FBXO10: variants seen among roughly 807,000 people sequenced by gnomAD.
FBXO10 encodes the protein F-box protein 10, also known as F-box only protein 10.
In FBXO10, 39 loss-of-function variants were observed where a neutral mutation model predicts 80.7. The observed-to-expected ratio is 0.48, with a 90% CI of 0.37 to 0.63. The LOEUF is 0.63. Among genes scored for constraint, FBXO10 ranks in the 30% least tolerant of loss-of-function variants. The probability of loss-of-function intolerance (pLI) is 0.00; values close to 1 mark genes in which losing one functional copy is unlikely to be tolerated. For missense variants in FBXO10, 1,025 were observed against 1,269.0 expected (o/e 0.81, Z 2.92); for synonymous variants, 449 against 489.6 (o/e 0.92, Z 1.09).
At chr9:37,548,789 C>A (rs907330515) in intron 1 of FBXO10, among the ~76,000 whole-genome samples, 1 of 152,060 alleles carries the variant, frequency 6.6e-6, no homozygotes, top group African/African-American at 2.4e-5. Flanking sequence ...CCCTCTGTTG[C>A]CCAGGCTGAA....
intron 3 of FBXO10, among the ~76,000 whole-genome samples, chr9:37,535,828 C>T (rs893808763): frequency 2.6e-5 from 4 of 152,194 alleles, no homozygotes; most frequent in African/African-American, 9.7e-5. Context: ...TGGGCCTTCA[C>T]ACACACCTCC....
intron 8 of FBXO10, among the ~76,000 whole-genome samples, chr9:37,519,894 T>G (rs1159287721): frequency 7.3e-6 from 1 of 137,626 alleles, no homozygotes; most frequent in African/African-American, 2.4e-5. Flanking sequence ...CATAGCTCAC[T>G]GCAACCTCGA....
At chr9:37,568,886 C>A (rs938728078) in intron 1 of FBXO10, among the ~76,000 whole-genome samples, 9 of 151,926 alleles carry the variant, frequency 5.9e-5, no homozygotes, top group African/African-American at 1.9e-4. Context: ...GTATAACATC[C>A]ACATTAGTAG....
intron 1 of FBXO10, among the ~76,000 whole-genome samples, chr9:37,556,198 C>A (rs1022812426): frequency 6.6e-6 from 1 of 152,118 alleles, no homozygotes; most frequent in Non-Finnish European, 1.5e-5. Flanking sequence ...ATCCTTATGC[C>A]AGCACCACAG....
chr9:37,536,567 T>C (rs1034916699), intron 3 of FBXO10, among the ~76,000 whole-genome samples: 1 of 152,144 alleles, frequency 6.6e-6, no homozygotes, highest in Middle Eastern at 3.2e-3. Context: ...TCCTTCAACC[T>C]AGCCCCACCG....
intron 1 of FBXO10, among the ~76,000 whole-genome samples, chr9:37,570,292 C>T (rs1822717333): frequency 6.6e-6 from 1 of 150,508 alleles, no homozygotes; most frequent in South Asian, 2.1e-4. Context: ...CCAGCCTGGG[C>T]AACAAGAGTG....
Position 37,525,190 on chromosome 9 carries a change from CA to C in FBXO10, c.1707-19del. 1.9e-6 allele frequency: 3 copies of C among 1,556,132 alleles called. No individual in the cohort carries two copies. The highest frequency in any genetic ancestry group is 2.6e-6 in the Non-Finnish European group (3 of 1,149,500). On this transcript the variant is annotated intron_variant, in intron 5 of 10. Coordinates refer to ENST00000432825, the MANE Select transcript of FBXO10 (RefSeq NM_012166.3). ...GGTTCCCGCTAAAGTGGAAGGAAAA[CA>C]AAACAAAGAGGTGAGCCCAGGGCAT...
chr9:37,572,111 C>T (rs1302340464), intron 1 of FBXO10, among the ~76,000 whole-genome samples: 8 of 151,974 alleles, frequency 5.3e-5, no homozygotes, highest in Non-Finnish European at 1.0e-4. Flanking sequence ...CAAAGCAAGA[C>T]CCTGTTTCCA....
At chr9:37,535,355 AT>A (rs59049731) in intron 3 of FBXO10, among the ~76,000 whole-genome samples, 97 of 146,022 alleles carry the variant, frequency 6.6e-4, no homozygotes, top group African/African-American at 2.3e-3. Context: ...CTTTTTTTTT[AT>A]TTTTTTTTTG....
At chr9:37,518,914 T>TG (rs11397861) in intron 8 of FBXO10, among the ~76,000 whole-genome samples, 1 of 1,584 alleles carries the variant, frequency 6.3e-4, no homozygotes, top group South Asian at 0.031. Context: ...GGAAATTTTC[T>TG]TTTTTTTTTT....
In FBXO10 at chr9:37,518,411, T is replaced by C; in HGVS notation, c.2228A>G (p.Glu743Gly). 6.2e-7 allele frequency: 1 copy of C among 1,608,568 alleles called. No individual in the cohort carries two copies. The highest frequency in any genetic ancestry group is 8.5e-7 in the Non-Finnish European group (1 of 1,176,602). ...CACATTGGTGATGACATGCAGTGCC[T>C]CGCTGCTCTGGACATAGAGTCCTGA... ...GASGLYVQSS[E>G]ALHVITNVIH... Residue 743 changes from glutamate to glycine, a missense_variant, in exon 9 of 11, where the codon GAG becomes GGG. Physicochemically the swap from Glu to Gly is moderately conservative, Grantham distance 98 (BLOSUM62 -2). Coordinates refer to ENST00000432825, the MANE Select transcript of FBXO10 (RefSeq NM_012166.3).
At chr9:37,531,154 T>C (rs144790147) in intron 4 of FBXO10, among the ~76,000 whole-genome samples, 3 of 152,292 alleles carry the variant, frequency 2.0e-5, no homozygotes, top group Admixed American at 6.5e-5. Flanking sequence ...TAAATATCTA[T>C]GAAGTGCTTA....
intron 2 of FBXO10, 93 bp from the exon 3 acceptor site, chr9:37,538,036 C>T: frequency 2.1e-6 from 2 of 965,684 alleles, no homozygotes; most frequent in Non-Finnish European, 3.2e-6. Context: ...ATGGAAAGGC[C>T]ATTTGTTCTG....
chr9:37,560,630 C>T (rs1323837759), intron 1 of FBXO10, among the ~76,000 whole-genome samples: 1 of 103,176 alleles, frequency 9.7e-6, no homozygotes. Context: ...CAAGGTAACA[C>T]TTTTTATTTT....
rs980669285 is a variant in FBXO10, at chr9:37,522,861, C to G, written c.1894G>C (p.Glu632Gln). 7.7e-6 allele frequency: 12 copies of G among 1,553,942 alleles called. No individual in the cohort carries two copies. The Admixed American group carries it at 2.3e-4, about 30-fold the overall frequency. Residue 632 changes from glutamate (E) to glutamine (Q), a missense_variant, in exon 7 of 11, where the codon GAA becomes CAA. By Grantham distance (29) the Glu-to-Gln change is conservative. Coordinates refer to ENST00000432825, the MANE Select transcript of FBXO10 (RefSeq NM_012166.3). ...TTTCCTTCTATGAGGCCTTTGCCTT[C>G]GTCTCCCACAACCACACCATCTGAA... ...GYSDGVVVGD[E>Q]GKGLIEGNTI... is the part of the protein sequence containing the mutation.
intron 1 of FBXO10, among the ~76,000 whole-genome samples, chr9:37,573,034 T>C (rs1822797506): frequency 6.6e-6 from 1 of 152,080 alleles, no homozygotes; most frequent in South Asian, 2.1e-4. Flanking sequence ...TCTTTACATA[T>C]GGAAAAGTAA....
chr9:37,550,149 TTC>T (rs1822154289), intron 1 of FBXO10, among the ~76,000 whole-genome samples: 1 of 151,230 alleles, frequency 6.6e-6, no homozygotes, highest in South Asian at 2.1e-4. Context: ...TTTCTCAGTT[TTC>T]TTTTTTTGTC....
intron 7 of FBXO10, 51 bp downstream of exon 7, chr9:37,522,774 T>C (rs377542171): frequency 1.9e-5 from 29 of 1,544,850 alleles, no homozygotes; most frequent in Non-Finnish European, 2.5e-5. Flanking sequence ...AAGCTGGAGA[T>C]GGAACCTGGG....
At chr9:37,565,210 C>T (rs1401747870) in intron 1 of FBXO10, among the ~76,000 whole-genome samples, 2 of 152,174 alleles carry the variant, frequency 1.3e-5, no homozygotes, top group African/African-American at 4.8e-5. Flanking sequence ...GAGGCCTCCC[C>T]AGCCATGTGG....
Sources: gnomAD v4.1 joint callset for allele counts (sites outside exome capture counted in the v4.1 genomes callset) on GRCh38, gnomAD v4.1.1 for gene constraint, MANE v1.5 for transcripts, NCBI Gene and HGNC (gene_info 2026-07-23, HGNC 2026-07-21) for gene names.